Variants in MAD1L1 observed in about 807,000 individuals in gnomAD.
The protein encoded by MAD1L1 is mitotic spindle assembly checkpoint protein MAD1.
Under a neutral mutation model 96.9 loss-of-function variants are expected in MAD1L1, and 95 were observed. The observed-to-expected ratio is 0.98, with a 90% CI of 0.83 to 1.16. MAD1L1 has a LOEUF of 1.16. Ranked by LOEUF, MAD1L1 falls within the 50% of genes most tolerant of loss-of-function variation. The pLI is 0.00. For missense variants in MAD1L1, 1,007 were observed against 954.4 expected (o/e 1.06, Z -0.73); for synonymous variants, 473 against 396.6 (o/e 1.19, Z -2.29).
At chr7:2,148,309 C>G (rs929103597) in intron 11 of MAD1L1, 25 of 152,754 alleles carry the variant, frequency 1.6e-4, no homozygotes, top group African/African-American at 6.0e-4. Flanking sequence ...GCCTGGTCAG[C>G]CGTGCAGGGC....
chr7:2,044,821 C>T (rs1289782597), intron 12 of MAD1L1, among the ~76,000 whole-genome samples: 1 of 152,124 alleles, frequency 6.6e-6, no homozygotes, highest in East Asian at 1.9e-4. Context: ...TGGCGTAGTC[C>T]CCCGGGGCGT....
chr7:2,225,441 C>T lies in MAD1L1; in HGVS notation c.260G>A (p.Arg87Lys). ...GTTCCTGGCACTGGTGCTGGCTGCT[C>T]TCTCCAGCTCCACTCGAGCCCTCTT... ...SHKRARVELE[R>K]AASTSARNYE... Residue 87 changes from arginine (R) to lysine (K), a missense_variant, in exon 4 of 19, where the codon AGA (arginine) becomes AAA (lysine). Physicochemically the swap from Arg to Lys is conservative, Grantham distance 26. Coordinates refer to ENST00000265854, the MANE Select transcript of MAD1L1 (RefSeq NM_001013836.2). The T allele has an allele frequency of 6.2e-7, 1 of 1,613,772 alleles. No homozygotes were observed. The highest frequency in any genetic ancestry group is 1.1e-5 in the South Asian group (1 of 91,084).
chr7:1,909,119 C>T (rs1390541234), intron 17 of MAD1L1, among the ~76,000 whole-genome samples: 2 of 152,198 alleles, frequency 1.3e-5, no homozygotes, highest in African/African-American at 4.8e-5. Context: ...TGAAGGAGCC[C>T]GACACCGGCG....
intron 18 of MAD1L1, among the ~76,000 whole-genome samples, chr7:1,890,761 G>A (rs1169249608): frequency 1.3e-5 from 2 of 152,178 alleles, no homozygotes; most frequent in African/African-American, 4.8e-5. Context: ...CTGAGAAGGG[G>A]TGCTCACGGG....
intron 12 of MAD1L1, among the ~76,000 whole-genome samples, chr7:2,019,328 C>T (rs1462099541): frequency 6.6e-6 from 1 of 152,224 alleles, no homozygotes; most frequent in Non-Finnish European, 1.5e-5. Flanking sequence ...CCCAAATGAG[C>T]AGGACTCTGG....
At chr7:1,941,528 G>A (rs1361567388) in intron 16 of MAD1L1, among the ~76,000 whole-genome samples, 1 of 152,236 alleles carries the variant, frequency 6.6e-6, no homozygotes, top group Non-Finnish European at 1.5e-5. Flanking sequence ...GCAGCGCCCT[G>A]CACTGCTGGC....
chr7:1,923,058 G>A (rs1010221253), intron 17 of MAD1L1, among the ~76,000 whole-genome samples: 1 of 152,188 alleles, frequency 6.6e-6, no homozygotes, highest in African/African-American at 2.4e-5. Context: ...TCCCTCTTCT[G>A]TTTTCTTGGA....
At chr7:1,933,239 G>A (rs558610452) in intron 17 of MAD1L1, among the ~76,000 whole-genome samples, 4 of 152,322 alleles carry the variant, frequency 2.6e-5, no homozygotes, top group Admixed American at 6.5e-5. Context: ...GGGATACTCC[G>A]GGTAGGAGCA....
chr7:2,222,783 C>T (rs951648215), intron 4 of MAD1L1, 29 bp from the exon 5 acceptor site: 19 of 1,548,964 alleles, frequency 1.2e-5, no homozygotes, highest in Non-Finnish European at 1.7e-5. Flanking sequence ...TCAGATGCCA[C>T]GTGCCGCCCA....
At chr7:1,830,443 G>A (rs1317536362) in intron 18 of MAD1L1, among the ~76,000 whole-genome samples, 2 of 152,204 alleles carry the variant, frequency 1.3e-5, no homozygotes, top group African/African-American at 4.8e-5. Flanking sequence ...TACACAAGAA[G>A]AAGGAAGAAC....
At chr7:1,898,145 C>A in intron 18 of MAD1L1, 55 bp downstream of exon 18, 1 of 1,534,456 alleles carries the variant, frequency 6.5e-7, no homozygotes, top group East Asian at 2.4e-5. Flanking sequence ...CGGATCTCCC[C>A]ACAGGAGGAG....
At chr7:1,916,950 C>T (rs1458225558) in intron 17 of MAD1L1, among the ~76,000 whole-genome samples, 4 of 152,166 alleles carry the variant, frequency 2.6e-5, no homozygotes, top group Admixed American at 2.6e-4. Flanking sequence ...CAACGAGAAC[C>T]GAGGCTGGGG....
At chr7:1,818,770 C>T (rs762617193) in intron 18 of MAD1L1, among the ~76,000 whole-genome samples, 16 of 151,938 alleles carry the variant, frequency 1.1e-4, no homozygotes, top group Non-Finnish European at 2.1e-4. Flanking sequence ...GGCCGGGCAA[C>T]CCACTCACGG....
chr7:1,918,175 C>G (rs999313000), intron 17 of MAD1L1, among the ~76,000 whole-genome samples: 3 of 152,142 alleles, frequency 2.0e-5, no homozygotes, highest in Admixed American at 1.3e-4. Context: ...CTCCGAGGCT[C>G]TGTGTGACCC....
intron 17 of MAD1L1, among the ~76,000 whole-genome samples, chr7:1,931,520 C>T (rs1789476424): frequency 6.6e-6 from 1 of 152,262 alleles, no homozygotes; most frequent in South Asian, 2.1e-4. Flanking sequence ...GTTCACCTCT[C>T]AGCCGATCAT....
At chr7:2,001,747 C>G (rs749946628) in intron 14 of MAD1L1, among the ~76,000 whole-genome samples, 1 of 152,236 alleles carries the variant, frequency 6.6e-6, no homozygotes, top group Non-Finnish European at 1.5e-5. Context: ...CGCTGCTGGA[C>G]AGACCCCTCG....
rs147728819 is a variant in MAD1L1 at position 2,165,128 on chromosome 7, C to T, written c.987-15890G>A. On this transcript the variant is annotated intron_variant, in intron 10 of 18. Transcript: ENST00000265854. ...TTGAGGCAGGAGAATCGCCTCAACC[C>T]GGGAGGTGGAGGTTGCAGTGAGCCG... is the stretch of plus-strand genomic sequence containing the variant. Among the ~76,000 whole-genome samples, 186 of 151,458 alleles carry T rather than the reference C, an allele frequency of 1.2e-3. 3 individuals carry two copies. Among genetic ancestry groups the T allele is most frequent in the African/African-American group, 4.1e-3 (171 of 41,244 alleles).
chr7:2,156,870 G>A (rs1178155318), intron 10 of MAD1L1, among the ~76,000 whole-genome samples: 3 of 149,742 alleles, frequency 2.0e-5, no homozygotes, highest in Non-Finnish European at 4.4e-5. Flanking sequence ...AGAAAAGAAA[G>A]AAATAGGGGA....
chr7:1,919,507 T>C (rs1788638204), intron 17 of MAD1L1, among the ~76,000 whole-genome samples: 1 of 152,232 alleles, frequency 6.6e-6, no homozygotes, highest in South Asian at 2.1e-4. Flanking sequence ...AATGGGCTCA[T>C]TGGGAGCCAC....
Sources: gnomAD v4.1 joint callset for allele counts (sites outside exome capture counted in the v4.1 genomes callset) on GRCh38, gnomAD v4.1.1 for gene constraint, MANE v1.5 for transcripts, NCBI Gene and HGNC (gene_info 2026-07-23, HGNC 2026-07-21) for gene names.